SNX29: variants seen among roughly 807,000 people sequenced by gnomAD.
SNX29 encodes sorting nexin 29, also known as sorting nexin-29.
Under a neutral mutation model 102.1 loss-of-function variants are expected in SNX29, and 78 were observed. The ratio of observed to expected loss-of-function variants is 0.76; its 90% confidence interval spans 0.64 to 0.92. The LOEUF (loss-of-function observed/expected upper bound fraction) is 0.92. Ranked by LOEUF, SNX29 falls within the 40% of genes least tolerant of loss-of-function variation. SNX29 has a pLI of 0.00. For missense variants in SNX29, 1,280 were observed against 1,061.7 expected, an observed-to-expected ratio of 1.21 and a Z score of -2.86; for synonymous variants, 580 against 414.5, an observed-to-expected ratio of 1.40 and a Z score of -4.85.
rs754011979 is a variant in SNX29, at chr16:12,569,690, T to C, written c.*1061T>C. The C allele has an allele frequency of 1.1e-4, 26 of 229,932 alleles. No homozygotes were observed. The highest frequency in any genetic ancestry group is 2.3e-4 in the Admixed American group (4 of 17,616). The allele number at this position is 229,932 out of a possible 1,614,324, so 14.2% of individuals were successfully genotyped here. ...GGTGGCTCTCAGAGTACAGGGACCT[T>C]GGCAGGTGGAGAGGAGGATGGGGAC... On this transcript the variant is annotated 3_prime_UTR_variant, in exon 21 of 21. Transcript: ENST00000566228.
intron 15 of SNX29, among the ~76,000 whole-genome samples, chr16:12,349,167 A>G (rs1277879699): frequency 6.6e-6 from 1 of 152,220 alleles, no homozygotes; most frequent in African/African-American, 2.4e-5. Context: ...CATTTCCTCA[A>G]ATAGGCACAG....
At chr16:12,524,641 G>C in intron 19 of SNX29, 61 bp from the exon 20 acceptor site, 1 of 1,571,232 alleles carries the variant, frequency 6.4e-7, no homozygotes, top group Non-Finnish European at 8.7e-7. Context: ...CTGTTCTATA[G>C]GGTCATTTCT....
Position 12,572,317 on chromosome 16 carries a change from C to T in SNX29, c.*3688C>T, listed in dbSNP as rs1598142818. 2 of 1,062,748 alleles carry T rather than the reference C, an allele frequency of 1.9e-6. No individual in the cohort carries two copies. The highest frequency in any genetic ancestry group is 1.6e-5 in the African/African-American group (1 of 60,984). 65.8% of individuals were successfully genotyped at this position (1,062,748 alleles called of 1,614,324 possible). On this transcript the variant is annotated 3_prime_UTR_variant, in exon 21 of 21. Transcript: ENST00000566228. The stretch of plus-strand genomic sequence containing the variant: ...CAGTGATCACAATCCAGGTTGGAAA[C>T]AGGAGTGAAGCCCACCAGCCTGCCT...
At chr16:12,534,361 C>A (rs903863558) in intron 20 of SNX29, among the ~76,000 whole-genome samples, 2 of 152,234 alleles carry the variant, frequency 1.3e-5, no homozygotes, top group African/African-American at 4.8e-5. Context: ...AGGTTTCCTG[C>A]ACCTCTCACA....
chr16:12,165,625 A>G (rs997814872), intron 13 of SNX29, among the ~76,000 whole-genome samples: 2 of 152,160 alleles, frequency 1.3e-5, no homozygotes, highest in Non-Finnish European at 2.9e-5. Flanking sequence ...CAGTGTTGCA[A>G]TCTTGGCCCA....
intron 20 of SNX29, among the ~76,000 whole-genome samples, chr16:12,551,169 C>G (rs928626813): frequency 2.6e-5 from 4 of 152,078 alleles, no homozygotes; most frequent in Non-Finnish European, 5.9e-5. Flanking sequence ...CCCTCAGTAC[C>G]ATCGTGCAGA....
intron 18 of SNX29, among the ~76,000 whole-genome samples, chr16:12,428,830 A>G (rs2085192835): frequency 6.6e-6 from 1 of 152,194 alleles, no homozygotes; most frequent in Non-Finnish European, 1.5e-5. Context: ...ATTCCAACAC[A>G]TAATATATGA....
intron 18 of SNX29, among the ~76,000 whole-genome samples, chr16:12,432,248 C>G (rs2085345010): frequency 6.6e-6 from 1 of 152,188 alleles, no homozygotes; most frequent in African/African-American, 2.4e-5. Context: ...TACGCATTCG[C>G]CAATTACCGT....
At chr16:12,291,400 C>G (rs538700198) in intron 15 of SNX29, among the ~76,000 whole-genome samples, 4 of 152,124 alleles carry the variant, frequency 2.6e-5, no homozygotes, top group African/African-American at 7.2e-5. Flanking sequence ...CTCACTGTCA[C>G]GAGAACAGCA....
At chr16:12,241,961 C>T (rs766327219) in intron 14 of SNX29, among the ~76,000 whole-genome samples, 13 of 152,198 alleles carry the variant, frequency 8.5e-5, no homozygotes, top group East Asian at 5.8e-4. Context: ...CCTGGGGTTG[C>T]GCCGACTCCA....
At chr16:12,167,978 C>G (rs2076056009) in intron 13 of SNX29, among the ~76,000 whole-genome samples, 1 of 152,228 alleles carries the variant, frequency 6.6e-6, no homozygotes, top group Non-Finnish European at 1.5e-5. Context: ...GCACCCTGTT[C>G]TGGAACCCAA....
At chr16:12,425,822 A>G (rs1191649419) in intron 18 of SNX29, among the ~76,000 whole-genome samples, 4 of 152,038 alleles carry the variant, frequency 2.6e-5, no homozygotes, top group Non-Finnish European at 2.9e-5. Flanking sequence ...TGAGAGCTAC[A>G]TGTTTTTTCA....
At chr16:12,562,142 C>T (rs1444966487) in intron 20 of SNX29, among the ~76,000 whole-genome samples, 2 of 152,120 alleles carry the variant, frequency 1.3e-5, no homozygotes, top group African/African-American at 2.4e-5. Flanking sequence ...ATGGCTCTGG[C>T]AATACCAGGT....
intron 14 of SNX29, among the ~76,000 whole-genome samples, chr16:12,219,213 A>C (rs1341052112): frequency 6.6e-6 from 1 of 151,624 alleles, no homozygotes; most frequent in East Asian, 1.9e-4. Context: ...TTTGGTTTGC[A>C]AACCACATGT....
intron 10 of SNX29, among the ~76,000 whole-genome samples, chr16:12,073,845 G>A (rs2051418050): frequency 6.6e-6 from 1 of 151,658 alleles, no homozygotes; most frequent in Non-Finnish European, 1.5e-5. Context: ...TATGAATCTG[G>A]GTGCTCCTGT....
chr16:12,538,150 C>G (rs150764539), intron 20 of SNX29, among the ~76,000 whole-genome samples: 210 of 152,274 alleles, frequency 1.4e-3, no homozygotes, highest in African/African-American at 4.8e-3. Context: ...GAGTCTCACT[C>G]TGTCACCCAG....
intron 11 of SNX29, among the ~76,000 whole-genome samples, chr16:12,112,760 C>G (rs1241770434): frequency 6.6e-6 from 1 of 152,214 alleles, no homozygotes; most frequent in African/African-American, 2.4e-5. Context: ...TATTTTTGCT[C>G]CAACATCACT....
In SNX29 at chr16:12,445,691, G is replaced by GC. The variant is rs763275153; in HGVS notation, c.2038-32025dup. On this transcript the variant is annotated intron_variant, in intron 18 of 20. Coordinates refer to ENST00000566228, the MANE Select transcript of SNX29 (RefSeq NM_032167.5). Reference sequence around the variant, plus strand: ...TGGGTTCAGAACTTCTCTTTCTGCAGCCCATCAGCTTCCTCTCCAACCTCA... The same window carrying GC: ...TGGGTTCAGAACTTCTCTTTCTGCAGCCCCATCAGCTTCCTCTCCAACCTCA... Among the ~76,000 whole-genome samples the GC allele has an allele frequency of 2.6e-5, 4 of 152,346 alleles. No individual in the cohort carries two copies. The South Asian group carries it at 8.3e-4, about 32-fold the overall frequency.
rs144072991 is a variant in SNX29, at chr16:12,524,401, C to G, written c.2179-301C>G. On this transcript the variant is annotated intron_variant, in intron 19 of 20. Transcript: ENST00000566228. ...AGTGTGTTCATTGTTCTACCCTGACCCCCAGCACCACATTCGGCACATTTT... is the reference window on the plus strand; with the variant it reads ...AGTGTGTTCATTGTTCTACCCTGACGCCCAGCACCACATTCGGCACATTTT... 9.2e-3 allele frequency among the ~76,000 whole-genome samples: 1,392 copies of G among 151,908 alleles called. 19 individuals are homozygous for G. Among genetic ancestry groups the G allele is most frequent in the African/African-American group, 0.032 (1,306 of 41,394 alleles).
Sources: allele counts gnomAD v4.1 joint callset (sites outside exome capture counted in the v4.1 genomes callset), GRCh38; gene constraint gnomAD v4.1.1; transcripts MANE v1.5; gene names NCBI Gene and HGNC (gene_info 2026-07-23, HGNC 2026-07-21).